The following MYO18B variants were observed in gnomAD, a reference collection of about 807,000 sequenced individuals.
MYO18B encodes myosin XVIIIB.
A neutral mutation model predicts 273.0 loss-of-function variants in MYO18B; 204 were observed. The ratio of observed to expected loss-of-function variants is 0.75; its 90% CI spans 0.67 to 0.84. MYO18B has a LOEUF of 0.84. Among genes scored for constraint, MYO18B ranks in the 40% least tolerant of loss-of-function variants. The pLI is 0.00. For synonymous variants in MYO18B, 1,330 were observed against 1,305.7 expected (o/e 1.02, Z -0.40); for missense variants, 3,212 against 3,287.6 (o/e 0.98, Z 0.56).
chr22:25,995,692 T>C (rs956596189), intron 40 of MYO18B, among the ~76,000 whole-genome samples: 3 of 152,162 alleles, frequency 2.0e-5, no homozygotes, highest in Non-Finnish European at 4.4e-5. Context: ...CCCTCTGGCT[T>C]TAAAGGGACC....
In MYO18B at chr22:25,882,435, C is replaced by T. The variant is rs145167923; in HGVS notation, c.4314+4387C>T. Among the ~76,000 whole-genome samples, 164 of 151,840 alleles carry T rather than the reference C, an allele frequency of 1.1e-3. 1 individual carries two copies. The highest frequency in any genetic ancestry group is 3.9e-3 in the African/African-American group (160 of 41,386). ...ATTGAGGTGTTAGGGAAATTTATTC[C>T]ATGGATTCTCATAAAAGGGGCACTA... On this transcript the variant is annotated intron_variant, in intron 25 of 43. Coordinates refer to ENST00000335473, the MANE Select transcript of MYO18B (RefSeq NM_032608.7).
intron 11 of MYO18B, among the ~76,000 whole-genome samples, chr22:25,792,686 G>A (rs1228913119): frequency 6.6e-6 from 1 of 151,718 alleles, no homozygotes; most frequent in Non-Finnish European, 1.5e-5. Context: ...GTAGAGACGG[G>A]GTTTCACCAT....
At chr22:25,963,687 G>C (rs1412176890) in intron 39 of MYO18B, among the ~76,000 whole-genome samples, 1 of 151,426 alleles carries the variant, frequency 6.6e-6, no homozygotes, top group Admixed American at 6.6e-5. Context: ...CATTGCGCTT[G>C]GAGTCTGATA....
At chr22:25,907,994 T>C (rs958387240) in intron 31 of MYO18B, among the ~76,000 whole-genome samples, 2 of 137,634 alleles carry the variant, frequency 1.5e-5, no homozygotes, top group African/African-American at 5.5e-5. Flanking sequence ...GATTGCGCCG[T>C]GGCACTCCAG....
chr22:26,003,071 A>G (rs1443810604), intron 40 of MYO18B, among the ~76,000 whole-genome samples, 194 bp from the exon 41 acceptor site: 2 of 152,108 alleles, frequency 1.3e-5, no homozygotes, highest in East Asian at 1.9e-4. Context: ...CTGCTCCACA[A>G]CAGAGCCCCA....
intron 42 of MYO18B, among the ~76,000 whole-genome samples, chr22:26,026,196 T>G (rs1324471733): frequency 2.0e-5 from 3 of 152,208 alleles, no homozygotes; most frequent in Non-Finnish European, 4.4e-5. Context: ...CTAGCTGCAG[T>G]TTTAATCTAC....
chr22:25,911,026 C>T lies in MYO18B; in HGVS notation c.5340C>T (p.Gly1780=). The T allele has an allele frequency of 6.2e-7, 1 of 1,605,322 alleles. No homozygotes were observed. The highest frequency in any genetic ancestry group is 8.5e-7 in the Non-Finnish European group (1 of 1,176,036). ...TCCATGAGAAGCAAGATTTGGAAGG[C>T]TTGATCGGAACCCTCTGTGACCAGG... is the stretch of plus-strand genomic sequence containing the variant. ...MVLHEKQDLE[G]LIGTLCDQIG... The change falls in exon 33 of 44, where the codon GGC becomes GGT. Residue 1780 remains glycine (G), a synonymous_variant. Transcript: ENST00000335473.
chr22:25,794,662 G>A (rs1015737586), intron 11 of MYO18B, among the ~76,000 whole-genome samples: 2 of 151,764 alleles, frequency 1.3e-5, no homozygotes, highest in African/African-American at 2.4e-5. Flanking sequence ...CCGCCACTTC[G>A]CCCGGCTAAG....
chr22:25,769,528 C>T lies in MYO18B; in HGVS notation c.1512+100C>T, dbSNP rs2086639300. On this transcript the variant is annotated intron_variant, in intron 4 of 43. Transcript: ENST00000335473. ...GCCCCAGGGATGGACAAGGGGTGGA[C>T]GGGGGGTGGGCAGGGAATTGGAGAG... 13 of 801,218 alleles carry T rather than the reference C, an allele frequency of 1.6e-5. No individual in the cohort carries two copies. The South Asian group carries it at 1.9e-4, about 12-fold the overall frequency. 49.6% of individuals were successfully genotyped at this position (801,218 alleles called of 1,614,324 possible).
At chr22:25,917,713 T>G (rs529932663) in intron 33 of MYO18B, among the ~76,000 whole-genome samples, 134 of 152,278 alleles carry the variant, frequency 8.8e-4, no homozygotes, top group African/African-American at 3.0e-3. Flanking sequence ...CTATTTTGTG[T>G]TTTGTTAGTT....
chr22:25,923,246 C>A (rs1205277562), intron 34 of MYO18B, among the ~76,000 whole-genome samples: 1 of 152,230 alleles, frequency 6.6e-6, no homozygotes, highest in Non-Finnish European at 1.5e-5. Context: ...GACTCTTAGC[C>A]ATCTCCTTTA....
In MYO18B at chr22:25,950,301, G is replaced by T. The variant is rs1376917338; in HGVS notation, c.5749-66G>T. On this transcript the variant is annotated intron_variant, in intron 36 of 43. Transcript: ENST00000335473. ...GTGGGGAAAGTAGGGATTTTCAGGG[G>T]TGGTTTCCCAGCAAGGCTTGTGGAC... 2.6e-5 allele frequency: 36 copies of T among 1,377,278 alleles called. No homozygotes were observed. The East Asian group carries it at 8.7e-4, about 33-fold the overall frequency. 85.3% of individuals were successfully genotyped at this position (1,377,278 alleles called of 1,614,324 possible).
At chr22:25,892,397 G>C (rs2091685490) in intron 27 of MYO18B, 1 of 152,210 alleles carries the variant, frequency 6.6e-6, no homozygotes, top group Non-Finnish European at 1.5e-5. Flanking sequence ...TTATACATTT[G>C]TTCAGTAGTG....
intron 39 of MYO18B, among the ~76,000 whole-genome samples, chr22:25,991,403 AGAT>A (rs1356431967): frequency 6.6e-6 from 1 of 152,194 alleles, no homozygotes; most frequent in Admixed American, 6.5e-5. Flanking sequence ...TCTACCCACC[AGAT>A]GCCAGCAGCA....
At chr22:25,808,492 T>G (rs1273640831) in intron 12 of MYO18B, among the ~76,000 whole-genome samples, 1 of 152,156 alleles carries the variant, frequency 6.6e-6, no homozygotes, top group Non-Finnish European at 1.5e-5. Context: ...GCCTCCAAAG[T>G]TCTTGCTCTT....
chr22:26,049,252 A>G, the MYO18B span, among the ~76,000 whole-genome samples: 1 of 152,230 alleles, frequency 6.6e-6, no homozygotes, highest in Admixed American at 6.5e-5. Flanking sequence ...AACAGAAACC[A>G]TCTATCTAGA....
intron 17 of MYO18B, 84 bp from the exon 18 acceptor site, chr22:25,843,651 G>A: frequency 7.0e-7 from 1 of 1,419,494 alleles, no homozygotes; most frequent in East Asian, 2.3e-5. Context: ...CGTTAAGATG[G>A]ATACTGTGCG....
At chr22:25,866,722 C>G (rs973318583) in intron 21 of MYO18B, among the ~76,000 whole-genome samples, 6 of 148,740 alleles carry the variant, frequency 4.0e-5, no homozygotes, top group African/African-American at 1.5e-4. Context: ...GCCTGTAGTC[C>G]CAGCTACTTG....
chr22:25,842,290 A>G (rs1190290741), intron 17 of MYO18B, among the ~76,000 whole-genome samples: 1 of 152,212 alleles, frequency 6.6e-6, no homozygotes, highest in Non-Finnish European at 1.5e-5. Flanking sequence ...AGTGCATGCA[A>G]GTACGTTGGC....
Sources: gnomAD v4.1 joint callset for allele counts (sites outside exome capture counted in the v4.1 genomes callset) on GRCh38, gnomAD v4.1.1 for gene constraint, MANE v1.5 for transcripts, NCBI Gene and HGNC (gene_info 2026-07-23, HGNC 2026-07-21) for gene names.